BCL6: variants seen among roughly 807,000 people sequenced by gnomAD.
The protein encoded by BCL6 is B-cell lymphoma 6 protein.
A neutral mutation model predicts 59.5 loss-of-function variants in BCL6; 7 were observed. That is an observed-to-expected ratio of 0.12 (90% CI 0.07 to 0.22). The LOEUF (loss-of-function observed/expected upper bound fraction) is 0.22, where lower values mean the gene tolerates loss of function less well. BCL6 is among the 10% of genes least tolerant of loss of function. The pLI is 1.00. For missense variants in BCL6, 685 were observed against 939.4 expected, an observed-to-expected ratio of 0.73 and a Z score of 3.54; for synonymous variants, 339 against 349.7, an observed-to-expected ratio of 0.97 and a Z score of 0.34.
chr3:187,724,207 G>A (rs573440090), intron 9 of BCL6, among the ~76,000 whole-genome samples: 4 of 152,242 alleles, frequency 2.6e-5, no homozygotes, highest in Admixed American at 6.5e-5. Context: ...ACAGATGAGC[G>A]TGGCTGTGTT....
At chr3:187,733,484 A>G in intron 3 of BCL6, 49 bp downstream of exon 3, 1 of 1,595,940 alleles carries the variant, frequency 6.3e-7, no homozygotes, top group Non-Finnish European at 8.6e-7. Flanking sequence ...GGCTGCCAGC[A>G]CCATCACCCC....
At chr3:187,744,108 C>A (rs555711795) in intron 1 of BCL6, among the ~76,000 whole-genome samples, 1 of 152,218 alleles carries the variant, frequency 6.6e-6, no homozygotes, top group Non-Finnish European at 1.5e-5. Context: ...TCCCTTTTTA[C>A]AGAGCTTGCA....
intron 2 of BCL6, 83 bp from the exon 3 acceptor site, chr3:187,733,786 C>T (rs1048562103): frequency 1.4e-6 from 2 of 1,466,778 alleles, no homozygotes; most frequent in Non-Finnish European, 1.9e-6. Flanking sequence ...GTGGCTTAGC[C>T]TGCTAAGGTA....
rs769786419 is a variant in BCL6, at chr3:187,729,032, G to T, written c.1355+18C>A. ...CAGGTAACCCCTGACCTCAGACCCA[G>T]ACAGTCTCTGAAATCACCTGTTAAC... is the stretch of plus-strand genomic sequence containing the variant. On this transcript the variant is annotated intron_variant, in intron 5 of 9. Coordinates refer to ENST00000406870, the MANE Select transcript of BCL6 (RefSeq NM_001706.5). This position sits in a 1 kb window ranked among gnomAD's most constrained non-coding sequence, Gnocchi z 5.6. 5.1e-5 allele frequency: 77 copies of T among 1,517,114 alleles called. No individual in the cohort carries two copies. The highest frequency in any genetic ancestry group is 6.7e-5 in the Non-Finnish European group (76 of 1,135,150). 94.0% of individuals were successfully genotyped at this position (1,517,114 alleles called of 1,614,324 possible).
intron 6 of BCL6, among the ~76,000 whole-genome samples, 171 bp downstream of exon 6, chr3:187,728,189 C>T (rs1316100757): frequency 1.3e-5 from 2 of 152,182 alleles, no homozygotes; most frequent in Non-Finnish European, 2.9e-5. Context: ...AACCCAGTTC[C>T]CCAAGAAGCG....
chr3:187,740,775 G>A (rs1185397985), intron 1 of BCL6, among the ~76,000 whole-genome samples: 1 of 152,248 alleles, frequency 6.6e-6, no homozygotes, highest in Non-Finnish European at 1.5e-5. Flanking sequence ...AGGGGCCACA[G>A]GGACAGGAAG....
intron 6 of BCL6, 67 bp downstream of exon 6, chr3:187,728,293 C>A (rs1579809172): frequency 7.0e-7 from 1 of 1,433,586 alleles, no homozygotes; most frequent in East Asian, 2.5e-5. Flanking sequence ...TAAAATGGAG[C>A]ACAAAACCTA....
At chr3:187,744,912 G>A (rs549016939) in intron 1 of BCL6, among the ~76,000 whole-genome samples, 3 of 152,136 alleles carry the variant, frequency 2.0e-5, no homozygotes, top group Admixed American at 6.5e-5. Flanking sequence ...GAAAGAGCGA[G>A]AGCGCGAGCG....
intron 1 of BCL6, among the ~76,000 whole-genome samples, chr3:187,742,615 T>C (rs1711648461): frequency 6.6e-6 from 1 of 151,086 alleles, no homozygotes; most frequent in African/African-American, 2.4e-5. Context: ...GTCTTCCAAA[T>C]AGGATACTGG....
At chr3:187,743,373 C>T (rs1579830208) in intron 1 of BCL6, among the ~76,000 whole-genome samples, 1 of 151,994 alleles carries the variant, frequency 6.6e-6, no homozygotes, top group African/African-American at 2.4e-5. Flanking sequence ...TGGAGATTGG[C>T]TCTCTGAGGT....
At chr3:187,730,135 T>C in intron 4 of BCL6, 114 bp from the exon 5 acceptor site, 4 of 1,396,694 alleles carry the variant, frequency 2.9e-6, no homozygotes, top group Non-Finnish European at 3.8e-6. Flanking sequence ...TAGACATAGG[T>C]GACGTGGCTC....
chr3:187,732,380 A>G (rs1719090098), intron 3 of BCL6: 1 of 436,116 alleles, frequency 2.3e-6, no homozygotes. Flanking sequence ...GAATTTGGCT[A>G]TGAATGACAA....
intron 1 of BCL6, among the ~76,000 whole-genome samples, chr3:187,741,231 C>T (rs544161800): frequency 4.9e-4 from 75 of 152,346 alleles, no homozygotes; most frequent in South Asian, 2.1e-3. Context: ...CTAGCAACCA[C>T]AACGCGGTAT....
chr3:187,731,662 G>A (rs754488740), intron 4 of BCL6, 47 bp downstream of exon 4: 3 of 1,574,550 alleles, frequency 1.9e-6, no homozygotes, highest in African/African-American at 1.4e-5. Flanking sequence ...TTCTGATCGG[G>A]GACTATCTCT....
At chr3:187,744,488 C>T (rs909356684) in intron 1 of BCL6, among the ~76,000 whole-genome samples, 2 of 151,940 alleles carry the variant, frequency 1.3e-5, no homozygotes, top group African/African-American at 4.8e-5. Flanking sequence ...GGGCAGGGAA[C>T]ACCAAAACAC....
Position 187,722,330 on chromosome 3 carries a change from C to A in BCL6, c.*128G>T. 1.2e-6 allele frequency: 1 copy of A among 862,962 alleles called. No individual in the cohort carries two copies. The highest frequency in any genetic ancestry group is 1.5e-6 in the Non-Finnish European group (1 of 657,162). 53.5% of individuals were successfully genotyped at this position (862,962 alleles called of 1,614,324 possible). ...CCCCGACCCCCACCACCCCCAACCC[C>A]CAGCTATGATTTGCACTAGTGGATG... On this transcript the variant is annotated 3_prime_UTR_variant, in exon 10 of 10. Transcript: ENST00000406870.
At chr3:187,726,023 G>A (rs537042867) in intron 7 of BCL6, among the ~76,000 whole-genome samples, 31 of 152,314 alleles carry the variant, frequency 2.0e-4, no homozygotes, top group Non-Finnish European at 3.7e-4. Flanking sequence ...GAACCTGAGG[G>A]GCTACTTCAG....
chr3:187,724,825 G>A, intron 9 of BCL6, 116 bp downstream of exon 9: 2 of 1,428,306 alleles, frequency 1.4e-6, no homozygotes, highest in Non-Finnish European at 1.9e-6. Context: ...GTGTGCTTGA[G>A]ATGGGAGCAA....
chr3:187,733,491 C>T, intron 3 of BCL6, 42 bp downstream of exon 3: 1 of 1,601,800 alleles, frequency 6.2e-7, no homozygotes, highest in South Asian at 1.1e-5. Context: ...AGCACCATCA[C>T]CCCACTTTGA....
Sources: allele counts gnomAD v4.1 joint callset (sites outside exome capture counted in the v4.1 genomes callset), GRCh38; gene constraint gnomAD v4.1.1; non-coding constraint Gnocchi (gnomAD v3.1); transcripts MANE v1.5; gene names NCBI Gene and HGNC (gene_info 2026-07-23, HGNC 2026-07-21).